Variants in RAPGEF4 observed in about 807,000 individuals in gnomAD.
The protein encoded by RAPGEF4 is Rap guanine nucleotide exchange factor 4, also known as RAP guanine-nucleotide-exchange factor (GEF) 4.
In RAPGEF4, 66 loss-of-function variants were observed where a neutral mutation model predicts 147.9. That is an observed-to-expected ratio of 0.45 (90% CI 0.37 to 0.55). The LOEUF (loss-of-function observed/expected upper bound fraction) is 0.55, where lower values mean the gene tolerates loss of function less well. Ranked by LOEUF, RAPGEF4 falls within the 20% of genes least tolerant of loss-of-function variation. The pLI is 0.00. For synonymous variants in RAPGEF4, 419 were observed against 442.7 expected (o/e 0.95, Z 0.67); for missense variants, 1,071 against 1,257.3 (o/e 0.85, Z 2.24).
chr2:173,024,191 A>G (rs1057347011), intron 23 of RAPGEF4, among the ~76,000 whole-genome samples: 1 of 150,480 alleles, frequency 6.6e-6, no homozygotes, highest in Non-Finnish European at 1.5e-5. Flanking sequence ...GTGTATTTGC[A>G]TTGCTACAGC....
At chr2:172,890,518 G>A (rs902364455) in intron 4 of RAPGEF4, among the ~76,000 whole-genome samples, 1 of 152,158 alleles carries the variant, frequency 6.6e-6, no homozygotes, top group Non-Finnish European at 1.5e-5. Flanking sequence ...CCAGTGAAGG[G>A]GGCTTAGAAT....
In RAPGEF4 at chr2:172,894,868, C is replaced by T. The variant is rs373218807; in HGVS notation, c.445-22934C>T. ...ATGCACATGCATACTCTATTTTGGC[C>T]TTTAACTTGGGCAGTGAACATTGCG... On this transcript the variant is annotated intron_variant, in intron 4 of 30. Coordinates refer to ENST00000397081, the MANE Select transcript of RAPGEF4 (RefSeq NM_007023.4). Among the ~76,000 whole-genome samples the T allele has an allele frequency of 1.6e-3, 243 of 152,214 alleles. 1 individual carries two copies. Among genetic ancestry groups the T allele is most frequent in the African/African-American group, 5.4e-3 (225 of 41,550 alleles).
At chr2:172,960,685 T>C in intron 6 of RAPGEF4, 75 bp from the exon 7 acceptor site, 1 of 1,012,366 alleles carries the variant, frequency 9.9e-7, no homozygotes, top group Non-Finnish European at 1.4e-6. Context: ...ATGTTTCTTA[T>C]TATCCCCCAA....
At chr2:172,755,239 A>G (rs886599340) in intron 1 of RAPGEF4, among the ~76,000 whole-genome samples, 1 of 152,176 alleles carries the variant, frequency 6.6e-6, no homozygotes, top group Non-Finnish European at 1.5e-5. Context: ...GGACCCATAA[A>G]CATCTAACAT....
intron 23 of RAPGEF4, among the ~76,000 whole-genome samples, chr2:173,022,885 A>G (rs1030009938): frequency 3.3e-5 from 5 of 152,230 alleles, no homozygotes; most frequent in Non-Finnish European, 5.9e-5. Flanking sequence ...GCAAATTCCT[A>G]TAAAACTCCA....
intron 4 of RAPGEF4, among the ~76,000 whole-genome samples, chr2:172,848,901 A>G (rs1692512133): frequency 6.6e-6 from 1 of 152,158 alleles, no homozygotes; most frequent in Admixed American, 6.5e-5. Flanking sequence ...AATAAGTTAG[A>G]AGGCTCAATT....
chr2:172,814,565 T>A (rs1688324431), intron 4 of RAPGEF4, 140 bp downstream of exon 4: 2 of 1,099,140 alleles, frequency 1.8e-6, no homozygotes, highest in Admixed American at 4.2e-5. Flanking sequence ...AAAACTTGTT[T>A]TTGAAATGAG....
intron 1 of RAPGEF4, among the ~76,000 whole-genome samples, chr2:172,790,500 A>G (rs781411600): frequency 1.3e-5 from 2 of 152,164 alleles, no homozygotes; most frequent in Non-Finnish European, 1.5e-5. Flanking sequence ...GGGAGAAGAA[A>G]GGAGCCTAGA....
intron 6 of RAPGEF4, among the ~76,000 whole-genome samples, chr2:172,960,343 G>A (rs1000338995): frequency 2.0e-5 from 3 of 152,122 alleles, no homozygotes; most frequent in African/African-American, 4.8e-5. Flanking sequence ...AGAGAGAGAC[G>A]AAATAGCTCA....
intron 22 of RAPGEF4, among the ~76,000 whole-genome samples, 180 bp downstream of exon 22, chr2:173,018,982 C>T (rs1695773602): frequency 6.6e-6 from 1 of 152,150 alleles, no homozygotes; most frequent in Non-Finnish European, 1.5e-5. Flanking sequence ...TCTAATGTCC[C>T]CTATCTGGTA....
chr2:172,969,014 A>G (rs1397590634), intron 10 of RAPGEF4, among the ~76,000 whole-genome samples: 1 of 152,096 alleles, frequency 6.6e-6, no homozygotes, highest in Admixed American at 6.5e-5. Context: ...ACAGCCCCCT[A>G]AGGGCTGTTG....
chr2:173,051,088 T>G (rs1686175838), intron 30 of RAPGEF4, among the ~76,000 whole-genome samples: 1 of 152,040 alleles, frequency 6.6e-6, no homozygotes, highest in Non-Finnish European at 1.5e-5. Context: ...GTGAGTTGGG[T>G]TTTTTCTGAA....
At chr2:172,770,430 G>A (rs1697243961) in intron 1 of RAPGEF4, among the ~76,000 whole-genome samples, 1 of 152,188 alleles carries the variant, frequency 6.6e-6, no homozygotes, top group African/African-American at 2.4e-5. Context: ...TACCTTTTAA[G>A]GCTATTGTGA....
chr2:172,900,118 G>A (rs1250086579), intron 4 of RAPGEF4, among the ~76,000 whole-genome samples: 1 of 152,212 alleles, frequency 6.6e-6, no homozygotes, highest in Non-Finnish European at 1.5e-5. Flanking sequence ...GCAGAATGGA[G>A]GACAGCAGAG....
chr2:172,996,980 A>G (rs969987103), intron 16 of RAPGEF4, among the ~76,000 whole-genome samples: 3 of 152,222 alleles, frequency 2.0e-5, no homozygotes, highest in African/African-American at 7.2e-5. Context: ...CAGCTGCTCT[A>G]GAATATAACT....
chr2:172,857,906 A>G (rs1693622825), intron 4 of RAPGEF4, among the ~76,000 whole-genome samples: 3 of 4,978 alleles, frequency 6.0e-4, no homozygotes, highest in African/African-American at 1.2e-3. Flanking sequence ...AAAAAAAAAA[A>G]AAAAAAAAAA....
intron 4 of RAPGEF4, among the ~76,000 whole-genome samples, chr2:172,910,270 A>G (rs1326027658): frequency 6.6e-6 from 1 of 152,158 alleles, no homozygotes; most frequent in Non-Finnish European, 1.5e-5. Flanking sequence ...AATAACCTCT[A>G]GACAGTTTCT....
chr2:172,923,638 A>C (rs895328047), intron 6 of RAPGEF4, among the ~76,000 whole-genome samples: 1 of 152,214 alleles, frequency 6.6e-6, no homozygotes, highest in African/African-American at 2.4e-5. Context: ...TGGTCTGGCA[A>C]AGGTTTCAGT....
At chr2:172,936,662 G>T (rs1686606810) in intron 6 of RAPGEF4, among the ~76,000 whole-genome samples, 1 of 150,632 alleles carries the variant, frequency 6.6e-6, no homozygotes, top group South Asian at 2.1e-4. Context: ...TACCATCCCT[G>T]TCCCATTACT....
Sources: allele counts gnomAD v4.1 joint callset (sites outside exome capture counted in the v4.1 genomes callset), GRCh38; gene constraint gnomAD v4.1.1; transcripts MANE v1.5; gene names NCBI Gene and HGNC (gene_info 2026-07-23, HGNC 2026-07-21).